Variants in ASXL3 observed in about 807,000 individuals in gnomAD.
ASXL3 encodes putative Polycomb group protein ASXL3.
ASXL3 carries 34 observed loss-of-function variants against 170.6 expected under a neutral mutation model. That is an observed-to-expected ratio of 0.20 (90% CI 0.15 to 0.27). The LOEUF (loss-of-function observed/expected upper bound fraction) is 0.27, where lower values mean the gene tolerates loss of function less well. Ranked by LOEUF, ASXL3 falls within the 10% of genes least tolerant of loss-of-function variation. ASXL3 has a pLI of 1.00. For synonymous variants in ASXL3, 1,002 were observed against 989.1 expected (o/e 1.01, Z -0.24); for missense variants, 2,592 against 2,695.3 (o/e 0.96, Z 0.85).
At position 33,739,044 on chromosome 18, in the gene ASXL3, C is replaced by T. The variant is rs1175652544; in HGVS notation, c.1640C>T (p.Thr547Ile). 6.2e-7 allele frequency: 1 copy of T among 1,613,394 alleles called. No homozygotes were observed. The highest frequency in any genetic ancestry group is 2.2e-5 in the East Asian group (1 of 44,858). ...GTCTGTGACTCTCTTATTCCTTCCA[C>T]TTCATCTATGACTCATGTCAGTGAC... The part of the protein sequence containing the change: ...LEVCDSLIPS[T>I]SSMTHVSDTE... The change falls in exon 11 of 12, where the codon ACT becomes ATT. Residue 547 changes from threonine (T) to isoleucine (I), a missense_variant. Thr to Ile is a moderately conservative substitution (Grantham distance 89). Coordinates refer to ENST00000269197, the MANE Select transcript of ASXL3 (RefSeq NM_030632.3).
At chr18:33,620,343 C>T (rs555745590) in intron 2 of ASXL3, among the ~76,000 whole-genome samples, 1 of 152,040 alleles carries the variant, frequency 6.6e-6, no homozygotes, top group Non-Finnish European at 1.5e-5. Context: ...TTTGTTGGAA[C>T]AGATTGTTGT....
intron 2 of ASXL3, among the ~76,000 whole-genome samples, chr18:33,634,725 C>T (rs1461657679): frequency 6.6e-6 from 1 of 152,066 alleles, no homozygotes; most frequent in Non-Finnish European, 1.5e-5. Context: ...ATGTCCTCAG[C>T]CAACACATGG....
chr18:33,681,415 A>C (rs1271130250), intron 7 of ASXL3, among the ~76,000 whole-genome samples: 1 of 152,144 alleles, frequency 6.6e-6, no homozygotes, highest in Non-Finnish European at 1.5e-5. Flanking sequence ...TACCAAAAAC[A>C]TTCTTATAAT....
intron 2 of ASXL3, among the ~76,000 whole-genome samples, chr18:33,617,216 G>A (rs1215319147): frequency 4.6e-5 from 7 of 152,044 alleles, no homozygotes; most frequent in Non-Finnish European, 8.8e-5. Flanking sequence ...TATTGACTGG[G>A]TGCAGTGGCT....
chr18:33,646,472 C>A, intron 4 of ASXL3, 119 bp downstream of exon 4: 1 of 654,484 alleles, frequency 1.5e-6, no homozygotes, highest in Non-Finnish European at 2.5e-6. Context: ...TAAATTTTTA[C>A]CGCTGAGATT....
chr18:33,634,192 G>C (rs2065730702), intron 2 of ASXL3, among the ~76,000 whole-genome samples: 1 of 152,018 alleles, frequency 6.6e-6, no homozygotes, highest in Non-Finnish European at 1.5e-5. Context: ...GCAAGAATCT[G>C]ACAAAATTAG....
At chr18:33,595,841 T>C (rs1042647547) in intron 1 of ASXL3, among the ~76,000 whole-genome samples, 1 of 152,178 alleles carries the variant, frequency 6.6e-6, no homozygotes. Context: ...CCATCCCTCC[T>C]TCCCATCCTT....
At chr18:33,633,843 C>CAAAAA (rs59859337) in intron 2 of ASXL3, among the ~76,000 whole-genome samples, 7 of 86,936 alleles carry the variant, frequency 8.1e-5, no homozygotes, top group South Asian at 4.1e-4. Context: ...GACTCCATCT[C>CAAAAA]AAAAAAAAAA....
chr18:33,652,428 C>A (rs1300606040), intron 4 of ASXL3, among the ~76,000 whole-genome samples: 1 of 151,780 alleles, frequency 6.6e-6, no homozygotes, highest in African/African-American at 2.4e-5. Context: ...ATAGTTCAGG[C>A]TTAAAATCAA....
chr18:33,725,489 C>T (rs527721005), intron 8 of ASXL3, among the ~76,000 whole-genome samples: 1 of 152,250 alleles, frequency 6.6e-6, no homozygotes, highest in African/African-American at 2.4e-5. Context: ...ATTCCTGTTA[C>T]ATTAGTATTC....
chr18:33,634,329 C>CTT lies in ASXL3; in HGVS notation c.138-10552_138-10551dup, dbSNP rs879705294. Among the ~76,000 whole-genome samples the CTT allele has an allele frequency of 5.1e-5, 7 of 137,998 alleles. No homozygotes were observed. The Admixed American group carries it at 5.1e-4, about 10-fold the overall frequency. The allele number at this position is 137,998 out of a possible 152,430, so 90.5% of individuals were successfully genotyped here. A position where few individuals can be genotyped will look rare whatever the true frequency, so the allele number is the denominator to read the frequency against. ...AGTTGTGGATGTGGCATAGTTGCTTCTTTTTTTTTTTTTTAATAAAGTCTA... is the reference window on the plus strand; with the variant it reads ...AGTTGTGGATGTGGCATAGTTGCTTCTTTTTTTTTTTTTTTTAATAAAGTCTA... On this transcript the variant is annotated intron_variant, in intron 2 of 11. Coordinates refer to ENST00000269197, the MANE Select transcript of ASXL3 (RefSeq NM_030632.3).
intron 2 of ASXL3, among the ~76,000 whole-genome samples, chr18:33,618,110 A>G (rs2065455853): frequency 3.3e-5 from 5 of 152,198 alleles, no homozygotes; most frequent in Admixed American, 2.6e-4. Flanking sequence ...CAGAAGGAAT[A>G]AAAATTATAT....
intron 2 of ASXL3, among the ~76,000 whole-genome samples, chr18:33,617,264 G>A (rs2065439232): frequency 1.3e-5 from 2 of 151,994 alleles, no homozygotes; most frequent in Non-Finnish European, 2.9e-5. Flanking sequence ...GGCTGGGGTG[G>A]GCGTATTGCT....
intron 8 of ASXL3, among the ~76,000 whole-genome samples, chr18:33,729,575 C>T (rs960295444): frequency 2.0e-5 from 3 of 152,068 alleles, no homozygotes; most frequent in African/African-American, 7.2e-5. Flanking sequence ...CTCCCTCTGT[C>T]TTTAACTCTT....
chr18:33,608,029 A>G (rs1261370556), intron 2 of ASXL3, among the ~76,000 whole-genome samples: 13 of 152,014 alleles, frequency 8.6e-5, no homozygotes, highest in Non-Finnish European at 7.4e-5. Flanking sequence ...GGTAGATCCT[A>G]GGATATAAAG....
intron 2 of ASXL3, among the ~76,000 whole-genome samples, chr18:33,615,452 A>T (rs2065407567): frequency 6.6e-6 from 1 of 152,136 alleles, no homozygotes; most frequent in Non-Finnish European, 1.5e-5. Context: ...GAACACCATA[A>T]CAGATATGAT....
In ASXL3 at chr18:33,685,553, G is replaced by A. The variant is rs554736135; in HGVS notation, c.879+1985G>A. On this transcript the variant is annotated intron_variant, in intron 8 of 11. Coordinates refer to ENST00000269197, the MANE Select transcript of ASXL3 (RefSeq NM_030632.3). Reference sequence around the variant, plus strand: ...ATCTGTCTCCAGCTTCAGAAATAAGGTTTGGCATCTACAACTGCATTAGTC... The same window carrying A: ...ATCTGTCTCCAGCTTCAGAAATAAGATTTGGCATCTACAACTGCATTAGTC... Among the ~76,000 whole-genome samples the A allele has an allele frequency of 9.2e-5, 14 of 152,306 alleles. No homozygotes were observed. The South Asian group carries it at 2.7e-3, about 29-fold the overall frequency.
At chr18:33,615,773 G>C (rs2065412748) in intron 2 of ASXL3, among the ~76,000 whole-genome samples, 1 of 151,990 alleles carries the variant, frequency 6.6e-6, no homozygotes, top group African/African-American at 2.4e-5. Context: ...TAGTTAGATG[G>C]TATCTGGATA....
chr18:33,628,019 T>C (rs2065626259), intron 2 of ASXL3, among the ~76,000 whole-genome samples: 1 of 152,156 alleles, frequency 6.6e-6, no homozygotes, highest in African/African-American at 2.4e-5. Context: ...TAGAACTGTC[T>C]GTTCAATGTC....
Sources: gnomAD v4.1 joint callset for allele counts (sites outside exome capture counted in the v4.1 genomes callset) on GRCh38, gnomAD v4.1.1 for gene constraint, MANE v1.5 for transcripts, NCBI Gene and HGNC (gene_info 2026-07-23, HGNC 2026-07-21) for gene names.